The following OR51B5 variants were observed in gnomAD, a reference collection of about 807,000 sequenced individuals.
The protein encoded by OR51B5 is olfactory receptor family 51 subfamily B member 5, also known as olfactory receptor 51B5.
For missense variants in OR51B5, 456 were observed against 374.6 expected (o/e 1.22, Z -1.79); for synonymous variants, 186 against 144.8 (o/e 1.28, Z -2.04).
intron 1 of OR51B5, among the ~76,000 whole-genome samples, chr11:5,494,016 C>G (rs2647616): frequency 1.3e-5 from 2 of 152,098 alleles, no homozygotes; most frequent in South Asian, 4.1e-4. Context: ...GAAAGAACTT[C>G]CCAGCCAGCG....
intron 1 of OR51B5, among the ~76,000 whole-genome samples, chr11:5,408,850 C>A (rs546501337): frequency 1.3e-5 from 2 of 152,134 alleles, no homozygotes; most frequent in Admixed American, 1.3e-4. Flanking sequence ...TTCCTGAAAG[C>A]ATTTAATTCA....
chr11:5,406,041 G>T (rs996804344), intron 1 of OR51B5, among the ~76,000 whole-genome samples: 1 of 152,156 alleles, frequency 6.6e-6, no homozygotes, highest in Non-Finnish European at 1.5e-5. Flanking sequence ...TCTGTAAAAA[G>T]ATGTCCCACA....
chr11:5,436,652 A>C (rs1850600214), intron 1 of OR51B5, among the ~76,000 whole-genome samples: 2 of 152,330 alleles, frequency 1.3e-5, no homozygotes, highest in African/African-American at 4.8e-5. Context: ...AACCTATGTA[A>C]AAGTGAGGTT....
chr11:5,476,476 G>T (rs569326638), intron 1 of OR51B5, among the ~76,000 whole-genome samples: 41 of 152,254 alleles, frequency 2.7e-4, no homozygotes, highest in Middle Eastern at 3.4e-3. Flanking sequence ...TGCTGAAGGG[G>T]TCTGACATGT....
At chr11:5,344,346 A>C (rs544430737), upstream of OR51B5, among the ~76,000 whole-genome samples, 119 of 152,236 alleles carry the variant, frequency 7.8e-4, 1 homozygote, top group African/African-American at 2.7e-3. Context: ...TTTTCTTTTT[A>C]AATTATTTTT....
upstream of OR51B5, chr11:5,347,055 C>A (rs1849003552): frequency 6.6e-6 from 1 of 152,124 alleles, no homozygotes; most frequent in Non-Finnish European, 1.5e-5. Flanking sequence ...AATTAGTCCC[C>A]CCAAGCTTTT....
chr11:5,423,056 C>A (rs1850380527), intron 1 of OR51B5: 1 of 1,614,048 alleles, frequency 6.2e-7, no homozygotes, highest in Non-Finnish European at 8.5e-7. Context: ...CCTGCTGGCA[C>A]CCCCGGTGAT....
intron 1 of OR51B5, among the ~76,000 whole-genome samples, chr11:5,364,613 T>C (rs924642591): frequency 1.3e-5 from 2 of 152,026 alleles, no homozygotes; most frequent in Admixed American, 1.3e-4. Context: ...GGTATTTATG[T>C]GTCTCTCTCT....
intron 1 of OR51B5, among the ~76,000 whole-genome samples, chr11:5,357,532 C>G (rs1443202014): frequency 2.6e-4 from 40 of 152,294 alleles, no homozygotes; most frequent in South Asian, 4.1e-4. Context: ...CAATGGGAGA[C>G]TTTAACACCC....
chr11:5,489,412 G>A, intron 1 of OR51B5: 2 of 1,613,754 alleles, frequency 1.2e-6, no homozygotes, highest in Non-Finnish European at 8.5e-7. Flanking sequence ...ATCTCATGAT[G>A]CCCAGCACAA....
intron 1 of OR51B5, among the ~76,000 whole-genome samples, chr11:5,400,155 A>C (rs1233891438): frequency 6.6e-6 from 1 of 152,176 alleles, no homozygotes; most frequent in East Asian, 1.9e-4. Flanking sequence ...TTTGCCCCTG[A>C]ATTTCCCTGC....
chr11:5,359,006 A>T (rs1480719620), intron 1 of OR51B5, among the ~76,000 whole-genome samples: 1 of 152,072 alleles, frequency 6.6e-6, no homozygotes, highest in Non-Finnish European at 1.5e-5. Flanking sequence ...AAATAATAAG[A>T]GCCATCTATG....
At chr11:5,367,059 AG>A (rs1430141730) in intron 1 of OR51B5, among the ~76,000 whole-genome samples, 1 of 152,182 alleles carries the variant, frequency 6.6e-6, no homozygotes, top group African/African-American at 2.4e-5. Flanking sequence ...CAGAGACCAA[AG>A]ACATTCTCTC....
intron 1 of OR51B5, among the ~76,000 whole-genome samples, chr11:5,458,327 T>C (rs1850992600): frequency 1.3e-5 from 2 of 152,054 alleles, no homozygotes; most frequent in Non-Finnish European, 2.9e-5. Context: ...ATTTGTCTAT[T>C]TGTACCAGTA....
At chr11:5,453,928 G>A (rs1054787023) in intron 1 of OR51B5, 4 of 1,614,130 alleles carry the variant, frequency 2.5e-6, no homozygotes, top group Non-Finnish European at 3.4e-6. Flanking sequence ...ATGGGTTTAG[G>A]TGCAGCTGCT....
At chr11:5,463,058 TA>T (rs1365847478) in intron 1 of OR51B5, among the ~76,000 whole-genome samples, 1 of 152,250 alleles carries the variant, frequency 6.6e-6, no homozygotes, top group Non-Finnish European at 1.5e-5. Context: ...TTTGTCGTAT[TA>T]GGGGTAGGTG....
chr11:5,370,791 G>T (rs1391364892), intron 1 of OR51B5, among the ~76,000 whole-genome samples: 6 of 151,246 alleles, frequency 4.0e-5, no homozygotes, highest in Admixed American at 2.6e-4. Flanking sequence ...TGCTATGAAA[G>T]AAAGAAAAAA....
At chr11:5,489,335 T>C in intron 1 of OR51B5, 1 of 1,614,078 alleles carries the variant, frequency 6.2e-7, no homozygotes, top group South Asian at 1.1e-5. Flanking sequence ...CTGCTGGCCA[T>C]GGGACTGGAT....
chr11:5,368,819 C>G (rs1210858805), intron 1 of OR51B5, among the ~76,000 whole-genome samples: 1 of 152,050 alleles, frequency 6.6e-6, no homozygotes, highest in African/African-American at 2.4e-5. Flanking sequence ...TTTTTTTCCC[C>G]CAGGGCAAAG....
Sources: allele counts gnomAD v4.1 joint callset (sites outside exome capture counted in the v4.1 genomes callset), GRCh38; gene constraint gnomAD v4.1.1; transcripts MANE v1.5; gene names NCBI Gene and HGNC (gene_info 2026-07-23, HGNC 2026-07-21).